RELN: variants seen among roughly 807,000 people sequenced by gnomAD.
RELN encodes reelin.
Under a neutral mutation model 427.6 loss-of-function variants are expected in RELN, and 108 were observed. The ratio of observed to expected loss-of-function variants is 0.25; its 90% confidence interval spans 0.22 to 0.30. RELN has a LOEUF of 0.30. Among genes scored for constraint, RELN ranks in the 10% least tolerant of loss-of-function variants. RELN has a pLI of 1.00. For missense variants in RELN, 3,715 were observed against 4,302.8 expected (o/e 0.86, Z 3.82); for synonymous variants, 1,524 against 1,513.4 (o/e 1.01, Z -0.16).
rs1832677545 is a variant in RELN, at chr7:103,640,631, C to T, written c.2003-22G>A. ...TAAACTGTGGGAGGGAAAAAGAGAA[C>T]ATAATTACAAAAACATAGAACACTA... is the stretch of plus-strand genomic sequence containing the variant. On this transcript the variant is annotated intron_variant, in intron 16 of 64. Transcript: ENST00000428762. The surrounding 1 kb of genome is among the most constrained non-coding windows in gnomAD (Gnocchi z 4.1). The T allele has an allele frequency of 1.9e-6, 3 of 1,612,186 alleles. No homozygotes were observed. The highest frequency in any genetic ancestry group is 2.5e-6 in the Non-Finnish European group (3 of 1,178,864).
At chr7:103,958,580 T>A (rs1423529313) in intron 1 of RELN, among the ~76,000 whole-genome samples, 1 of 152,180 alleles carries the variant, frequency 6.6e-6, no homozygotes, top group Non-Finnish European at 1.5e-5. Context: ...TCAGTGAATA[T>A]CTATGTGTGT....
chr7:103,791,972 A>T (rs1792173305), intron 3 of RELN, among the ~76,000 whole-genome samples: 1 of 152,200 alleles, frequency 6.6e-6, no homozygotes, highest in Non-Finnish European at 1.5e-5. Context: ...AAACACATGA[A>T]AAGATGCTCA....
At chr7:103,559,689 C>G (rs1252882949) in intron 36 of RELN, among the ~76,000 whole-genome samples, 1 of 152,188 alleles carries the variant, frequency 6.6e-6, no homozygotes, top group Middle Eastern at 3.2e-3. Context: ...ATCCTCCCAC[C>G]TCAGCCCCCA....
chr7:103,976,779 G>A (rs1273652648), intron 1 of RELN, among the ~76,000 whole-genome samples: 1 of 152,202 alleles, frequency 6.6e-6, no homozygotes, highest in African/African-American at 2.4e-5. Context: ...CTCCTGGCCT[G>A]AGCATGGTGG....
At chr7:103,518,505 G>GTTTTTCTTTTTT (rs1226868939) in intron 49 of RELN, among the ~76,000 whole-genome samples, 1 of 114,404 alleles carries the variant, frequency 8.7e-6, no homozygotes, top group African/African-American at 4.6e-5. Context: ...GGTAATTTAA[G>GTTTTTCTTTTTT]TTTTTTTTTT....
intron 11 of RELN, among the ~76,000 whole-genome samples, chr7:103,679,135 CA>C (rs536380632): frequency 1.2e-3 from 180 of 152,230 alleles, no homozygotes; most frequent in African/African-American, 3.8e-3. Flanking sequence ...CATTTGGGAC[CA>C]GGGGGGAGGG....
At position 103,594,412 on chromosome 7, in the gene RELN, T is replaced by C. The variant is rs780081024; in HGVS notation, c.3620A>G (p.Glu1207Gly). 3.0e-5 allele frequency: 49 copies of C among 1,613,898 alleles called. 1 individual carries two copies. In the South Asian group the frequency reaches 5.1e-4, roughly 17 times the overall value. The change falls in exon 26 of 65, where the codon GAG (glutamate) becomes GGG (glycine). Residue 1207 changes from glutamate to glycine, a missense_variant. Physicochemically the swap from Glu to Gly is moderately conservative, Grantham distance 98. Transcript: ENST00000428762. ...FRWWQPVFSGEDYDQWAVDDI... is the reference protein window; with the variant it reads ...FRWWQPVFSGGDYDQWAVDDI... ...ATCGACTGCCCACTGGTCATAGTCC[T>C]CCCCTGAGAACACGGGCTGCCACCA...
At chr7:103,516,981 T>G (rs920754456) in intron 49 of RELN, among the ~76,000 whole-genome samples, 7 of 152,210 alleles carry the variant, frequency 4.6e-5, no homozygotes, top group African/African-American at 1.7e-4. Flanking sequence ...GCCATCATTC[T>G]GTGCGCCCTT....
chr7:103,892,216 C>T (rs1258726297), intron 2 of RELN, among the ~76,000 whole-genome samples: 1 of 152,118 alleles, frequency 6.6e-6, no homozygotes, highest in South Asian at 2.1e-4. Context: ...ACCTTCGAAG[C>T]CTTATGGAGA....
intron 2 of RELN, among the ~76,000 whole-genome samples, chr7:103,863,510 G>GT (rs1249043294): frequency 6.6e-6 from 1 of 152,146 alleles, no homozygotes; most frequent in Non-Finnish European, 1.5e-5. Context: ...AATGGGAGTA[G>GT]TTTTTTAAAC....
At chr7:103,519,073 A>G (rs1457926148) in intron 49 of RELN, among the ~76,000 whole-genome samples, 1 of 152,142 alleles carries the variant, frequency 6.6e-6, no homozygotes, top group Non-Finnish European at 1.5e-5. Context: ...GGGTTTTTGC[A>G]CTGGGTTTAT....
In RELN at chr7:103,553,461, C is replaced by T. The variant is rs1830455435; in HGVS notation, c.6072G>A (p.Glu2024=). ...NVNENTIIQF[E]INVGCSTDSS... The stretch of plus-strand genomic sequence containing the variant: ...TTTATTATAGAACAAAGTCAAGTAC[C>T]TCAAATTGTATGATGGTGTTCTCAT... Residue 2024 remains glutamate, a splice_region_variant and synonymous_variant, in exon 40 of 65, where the codon GAG becomes GAA. Coordinates refer to ENST00000428762, the MANE Select transcript of RELN (RefSeq NM_005045.4). 1 of 1,607,790 alleles carries T rather than the reference C, an allele frequency of 6.2e-7. No homozygotes were observed. The highest frequency in any genetic ancestry group is 1.7e-5 in the Admixed American group (1 of 59,986).
chr7:103,742,055 C>T (rs949917803), intron 6 of RELN, among the ~76,000 whole-genome samples: 16 of 152,100 alleles, frequency 1.1e-4, no homozygotes, highest in Non-Finnish European at 2.1e-4. Context: ...CCAGGTACTC[C>T]TCTGAGACAA....
At chr7:103,840,938 G>A (rs1392664882) in intron 2 of RELN, among the ~76,000 whole-genome samples, 1 of 152,098 alleles carries the variant, frequency 6.6e-6, no homozygotes, top group Non-Finnish European at 1.5e-5. Flanking sequence ...TACATATAAT[G>A]TATATGTGTG....
intron 6 of RELN, among the ~76,000 whole-genome samples, chr7:103,729,634 G>C (rs1201049617): frequency 6.6e-6 from 1 of 152,162 alleles, no homozygotes; most frequent in African/African-American, 2.4e-5. Context: ...GACATTAGAA[G>C]AGACAACAGC....
intron 1 of RELN, among the ~76,000 whole-genome samples, chr7:103,920,979 C>A (rs1314613813): frequency 6.6e-6 from 1 of 152,074 alleles, no homozygotes; most frequent in African/African-American, 2.4e-5. Flanking sequence ...GTAAACTAAG[C>A]CAAATAGTAA....
intron 1 of RELN, among the ~76,000 whole-genome samples, chr7:103,919,489 C>T (rs895311109): frequency 6.6e-5 from 10 of 152,132 alleles, no homozygotes; most frequent in Non-Finnish European, 1.5e-4. Flanking sequence ...TTCCACTTAT[C>T]TCTACTTGCA....
At chr7:103,762,735 A>G (rs1262654577) in intron 4 of RELN, among the ~76,000 whole-genome samples, 1 of 152,182 alleles carries the variant, frequency 6.6e-6, no homozygotes, top group Non-Finnish European at 1.5e-5. Flanking sequence ...GCTTGTACAT[A>G]TGTCATCTTC....
chr7:103,492,248 A>T (rs533872576), intron 57 of RELN, among the ~76,000 whole-genome samples: 1 of 152,228 alleles, frequency 6.6e-6, no homozygotes, highest in South Asian at 2.1e-4. Flanking sequence ...TTACATTTCT[A>T]TGTACTAAAT....
Sources: allele counts gnomAD v4.1 joint callset (sites outside exome capture counted in the v4.1 genomes callset), GRCh38; gene constraint gnomAD v4.1.1; non-coding constraint Gnocchi (gnomAD v3.1); transcripts MANE v1.5; gene names NCBI Gene and HGNC (gene_info 2026-07-23, HGNC 2026-07-21).